Variants in TACC2 observed in about 807,000 individuals in gnomAD.
TACC2 encodes the protein transforming acidic coiled-coil-containing protein 2.
In TACC2, 137 loss-of-function variants were observed where a neutral mutation model predicts 227.3. The ratio of observed to expected loss-of-function variants is 0.60; its 90% CI spans 0.52 to 0.69. The LOEUF (loss-of-function observed/expected upper bound fraction) is 0.69. TACC2 is among the 30% of genes least tolerant of loss of function. The pLI is 0.00. For synonymous variants in TACC2, 1,523 were observed against 1,487.5 expected (o/e 1.02, Z -0.55); for missense variants, 3,470 against 3,694.4 (o/e 0.94, Z 1.57).
intron 19 of TACC2, chr10:122,246,382 C>G (rs1589937310): frequency 6.6e-6 from 1 of 152,276 alleles, no homozygotes; most frequent in East Asian, 1.9e-4. Flanking sequence ...AACAGTGTGC[C>G]TAGTCCTGGG....
chr10:122,085,254 C>T lies in TACC2; in HGVS notation c.2754C>T (p.Pro918=), dbSNP rs747735733. 6 of 1,613,978 alleles carry T rather than the reference C, an allele frequency of 3.7e-6. No homozygotes were observed. The South Asian group carries it at 5.5e-5, about 15-fold the overall frequency. ...GTLSDTPTSS[P]TDMVWESSLT... ...TGTCTGATACTCCAACTTCATCTCCCACTGACATGGTTTGGGAGAGTTCTC... is the reference window on the plus strand; with the variant it reads ...TGTCTGATACTCCAACTTCATCTCCTACTGACATGGTTTGGGAGAGTTCTC... The change falls in exon 4 of 23, where the codon CCC becomes CCT. Residue 918 remains proline (P), a synonymous_variant. Transcript: ENST00000369005.
At chr10:122,017,186 A>G (rs936435609) in intron 1 of TACC2, among the ~76,000 whole-genome samples, 7 of 152,228 alleles carry the variant, frequency 4.6e-5, no homozygotes, top group African/African-American at 1.4e-4. Flanking sequence ...AGAAGCCCCA[A>G]TCACCCCAGG....
chr10:122,057,194 A>T (rs1051975298), intron 3 of TACC2, among the ~76,000 whole-genome samples: 2 of 152,174 alleles, frequency 1.3e-5, no homozygotes, highest in African/African-American at 4.8e-5. Context: ...TCCGTCTCAA[A>T]CATAAAATAA....
chr10:122,088,107 C>A, intron 4 of TACC2, 148 bp downstream of exon 4: 2 of 855,086 alleles, frequency 2.3e-6, no homozygotes, highest in Non-Finnish European at 3.3e-6. Flanking sequence ...CTGCTTACCC[C>A]CTCTGGATGT....
chr10:122,248,925 C>A (rs1247120087), intron 20 of TACC2, 122 bp downstream of exon 20: 3 of 1,503,854 alleles, frequency 2.0e-6, no homozygotes, highest in Admixed American at 1.8e-5. Context: ...GGGGTCCATG[C>A]AGGCTGGGGA....
intron 5 of TACC2, among the ~76,000 whole-genome samples, chr10:122,105,604 G>T (rs891510277): frequency 1.3e-5 from 2 of 151,100 alleles, no homozygotes; most frequent in African/African-American, 2.4e-5. Context: ...GTCTTTCCAC[G>T]TAGCGTCCTG....
intron 14 of TACC2, among the ~76,000 whole-genome samples, chr10:122,228,228 T>A (rs905078893): frequency 6.6e-6 from 1 of 152,246 alleles, no homozygotes; most frequent in Non-Finnish European, 1.5e-5. Flanking sequence ...ATTTCCCACT[T>A]AAGTACTTTA....
intron 2 of TACC2, among the ~76,000 whole-genome samples, chr10:122,028,758 CTTCTGT>C (rs1958436830): frequency 8.6e-5 from 7 of 81,408 alleles, no homozygotes; most frequent in East Asian, 4.5e-4. Flanking sequence ...CTCCCTTCCC[CTTCTGT>C]TCCCTTCCCT....
At chr10:122,175,912 T>C (rs1227918665) in intron 7 of TACC2, among the ~76,000 whole-genome samples, 3 of 152,072 alleles carry the variant, frequency 2.0e-5, no homozygotes, top group Admixed American at 6.6e-5. Flanking sequence ...GGCAAAACCC[T>C]GTTTCAAAAA....
rs1255894327 is a variant in TACC2 at position 122,191,863 on chromosome 10, G to T, written c.5835-3177G>T. On this transcript the variant is annotated intron_variant, in intron 7 of 22. Coordinates refer to ENST00000369005, the MANE Select transcript of TACC2 (RefSeq NM_206862.4). ...TGGAGCCTTAACAGAATAATTTCTT[G>T]TACTTTGGGTTTTTTCTAGTAGGAA... Among the ~76,000 whole-genome samples, 4 of 152,042 alleles carry T rather than the reference G, an allele frequency of 2.6e-5. No homozygotes were observed. In the South Asian group the frequency reaches 8.3e-4, roughly 32 times the overall value.
intron 3 of TACC2, among the ~76,000 whole-genome samples, chr10:122,081,030 A>G (rs527809676): frequency 3.3e-5 from 5 of 152,264 alleles, no homozygotes; most frequent in Non-Finnish European, 7.3e-5. Flanking sequence ...TAGAATATAT[A>G]TGATCATAAC....
intron 3 of TACC2, among the ~76,000 whole-genome samples, chr10:122,071,179 A>C (rs1340714488): frequency 6.6e-6 from 1 of 152,242 alleles, no homozygotes; most frequent in Non-Finnish European, 1.5e-5. Context: ...GATTAAAAAC[A>C]GGTATTTTCT....
intron 2 of TACC2, among the ~76,000 whole-genome samples, chr10:122,049,552 C>A (rs2075442148): frequency 6.6e-6 from 1 of 152,118 alleles, no homozygotes; most frequent in Non-Finnish European, 1.5e-5. Flanking sequence ...AGAAGGCAGA[C>A]CCCATCCCAG....
chr10:122,074,237 T>C (rs1041391795), intron 3 of TACC2, among the ~76,000 whole-genome samples: 1 of 151,936 alleles, frequency 6.6e-6, no homozygotes, highest in Non-Finnish European at 1.5e-5. Context: ...CCTGCCAACT[T>C]GCCCAGCTAA....
chr10:122,104,301 T>C (rs571965150), intron 5 of TACC2, among the ~76,000 whole-genome samples: 67 of 152,328 alleles, frequency 4.4e-4, no homozygotes, highest in African/African-American at 1.4e-3. Context: ...TGTACACTAC[T>C]TGTGTTATTA....
chr10:122,178,066 A>G (rs151124064), intron 7 of TACC2, among the ~76,000 whole-genome samples: 13 of 152,170 alleles, frequency 8.5e-5, no homozygotes, highest in African/African-American at 1.4e-4. Flanking sequence ...TATAAATAAC[A>G]TAAATTTATT....
chr10:122,144,402 A>G (rs1000118300), intron 7 of TACC2, among the ~76,000 whole-genome samples: 2 of 152,230 alleles, frequency 1.3e-5, no homozygotes, highest in African/African-American at 4.8e-5. Flanking sequence ...TCCTGTTTCC[A>G]TGCAAGCAGT....
At chr10:122,183,872 G>C (rs913138692) in intron 7 of TACC2, among the ~76,000 whole-genome samples, 1 of 152,158 alleles carries the variant, frequency 6.6e-6, no homozygotes, top group African/African-American at 2.4e-5. Context: ...GAACCGCTTG[G>C]CTCCAAGTTC....
intron 5 of TACC2, among the ~76,000 whole-genome samples, chr10:122,102,289 C>T (rs560248906): frequency 5.1e-4 from 78 of 152,218 alleles, no homozygotes; most frequent in African/African-American, 1.6e-3. Context: ...TTTCAAAGTT[C>T]GCCAGGTATT....
Sources: gnomAD v4.1 joint callset for allele counts (sites outside exome capture counted in the v4.1 genomes callset) on GRCh38, gnomAD v4.1.1 for gene constraint, MANE v1.5 for transcripts, NCBI Gene and HGNC (gene_info 2026-07-23, HGNC 2026-07-21) for gene names.